Variants in SPACA6 observed in about 807,000 individuals in gnomAD.
SPACA6 encodes sperm acrosome membrane-associated protein 6.
For missense variants in SPACA6, 8 were observed against 2.8 expected, an observed-to-expected ratio of 2.88 and a Z score of -1.34; for synonymous variants, 6 against 1.5, an observed-to-expected ratio of 4.05 and a Z score of -2.21.
At chr19:51,695,042 A>G (rs1328980373) in intron 2 of SPACA6, among the ~76,000 whole-genome samples, 1 of 152,138 alleles carries the variant, frequency 6.6e-6, no homozygotes, top group East Asian at 1.9e-4. Context: ...ACACTCGCAC[A>G]CAGACACGCT....
upstream of SPACA6, chr19:51,685,848 CAT>C (rs2083325891): frequency 2.0e-5 from 3 of 152,224 alleles, no homozygotes; most frequent in African/African-American, 2.4e-5. Flanking sequence ...CAATCTATCA[CAT>C]GAGATCAAGT....
chr19:51,690,323 A>G (rs2083358898), upstream of SPACA6, among the ~76,000 whole-genome samples: 2 of 152,010 alleles, frequency 1.3e-5, no homozygotes, highest in African/African-American at 4.8e-5. Context: ...CCCAGAGTTC[A>G]GAACCTCAGC....
At chr19:51,690,112 GC>G (rs1408911938), upstream of SPACA6, among the ~76,000 whole-genome samples, 1 of 151,704 alleles carries the variant, frequency 6.6e-6, no homozygotes, top group African/African-American at 2.4e-5. Flanking sequence ...GAGAGGCCCA[GC>G]ATCCATGCTC....
At chr19:51,711,603 G>C (rs1017999270) in intron 2 of SPACA6, among the ~76,000 whole-genome samples, 1 of 152,156 alleles carries the variant, frequency 6.6e-6, no homozygotes, top group Non-Finnish European at 1.5e-5. Flanking sequence ...GTTCATAGTA[G>C]CATCATTCAT....
intron 2 of SPACA6, among the ~76,000 whole-genome samples, chr19:51,695,236 G>A (rs2083420336): frequency 6.6e-6 from 1 of 152,186 alleles, no homozygotes; most frequent in Non-Finnish European, 1.5e-5. Flanking sequence ...TGACAGCCTT[G>A]AGGTGTGTGG....
At chr19:51,701,105 C>A (rs991288741) in intron 2 of SPACA6, among the ~76,000 whole-genome samples, 1 of 152,042 alleles carries the variant, frequency 6.6e-6, no homozygotes, top group African/African-American at 2.4e-5. Context: ...ACCTGCAGTC[C>A]CTGCTACTCG....
exon 3 of SPACA6, chr19:51,712,319 T>G (rs963206212): frequency 6.6e-6 from 1 of 152,118 alleles, no homozygotes; most frequent in Admixed American, 6.6e-5. Context: ...TCAGCCAAAT[T>G]GTACACTTTG....
Position 51,702,769 on chromosome 19 carries a change from G to C in SPACA6, c.385+117G>C, listed in dbSNP as rs188023752. 251 of 399,008 alleles carry C rather than the reference G, an allele frequency of 6.3e-4. 3 individuals are homozygous for C. The East Asian group carries it at 8.9e-3, about 14-fold the overall frequency. The allele number at this position is 399,008 out of a possible 1,614,324, so 24.7% of individuals were successfully genotyped here. ...CTTCACATCCTTAGGAAGCCAATAA[G>C]ATCCCTGGAGAAAAGGAAGAAAACC... On this transcript the variant is annotated intron_variant, in intron 4 of 8. Transcript: ENST00000637797.
At chr19:51,707,316 G>A (rs146465209), downstream of SPACA6, among the ~76,000 whole-genome samples, 864 of 151,370 alleles carry the variant, frequency 5.7e-3, 10 homozygotes, top group Non-Finnish European at 0.011. Flanking sequence ...TGCCTCCTGG[G>A]TTCAAGCAAT....
chr19:51,711,199 G>T (rs1289429774), intron 2 of SPACA6, among the ~76,000 whole-genome samples: 1 of 152,220 alleles, frequency 6.6e-6, no homozygotes. Context: ...TAGCAACGTG[G>T]ATATCATTGA....
intron 2 of SPACA6, among the ~76,000 whole-genome samples, chr19:51,710,887 C>T (rs1007132863): frequency 6.6e-6 from 1 of 152,172 alleles, no homozygotes; most frequent in African/African-American, 2.4e-5. Flanking sequence ...TGAGACCAGC[C>T]TGGCCAACAT....
At chr19:51,707,230 CTTT>C (rs57130350), downstream of SPACA6, among the ~76,000 whole-genome samples, 147 of 141,170 alleles carry the variant, frequency 1.0e-3, 1 homozygote, top group African/African-American at 2.5e-3. Flanking sequence ...CTCTCTCTCC[CTTT>C]TTTTTTTTTT....
chr19:51,688,786 G>A (rs549669133), upstream of SPACA6, among the ~76,000 whole-genome samples: 7 of 152,178 alleles, frequency 4.6e-5, no homozygotes, highest in South Asian at 1.5e-3. Flanking sequence ...GAGATAGGGA[G>A]AGGGCGAAAG....
chr19:51,705,229 GT>G (rs2083509787), downstream of SPACA6: 1 of 399,892 alleles, frequency 2.5e-6, no homozygotes, highest in East Asian at 3.6e-5. Flanking sequence ...ACTAACTCAG[GT>G]AGGAGGAGGT....
upstream of SPACA6, chr19:51,692,857 T>G (rs1309971473): frequency 3.7e-6 from 2 of 534,198 alleles, no homozygotes; most frequent in Admixed American, 3.9e-5. This position sits in a 1 kb window ranked among gnomAD's most constrained non-coding sequence, Gnocchi z 5.6. Context: ...CTCCTAGCTT[T>G]CCCCAGGCTG....
upstream of SPACA6, chr19:51,693,043 CTG>C: frequency 2.8e-6 from 1 of 363,066 alleles, no homozygotes; most frequent in Non-Finnish European, 5.5e-6. Flanking sequence ...TCCATCTCTG[CTG>C]TGTCTCTGTG....
rs1000774886 is a variant in SPACA6, at chr19:51,694,658, G to A, written c.292+103G>A. On this transcript the variant is annotated intron_variant, in intron 2 of 8. Coordinates refer to ENST00000637797, the MANE Select transcript of SPACA6 (RefSeq NM_001316972.2). The stretch of plus-strand genomic sequence containing the variant: ...CAGAGGAAGGAGGCCCCCAGAGTTG[G>A]GCAGTGATCCGGGAGGGGAAAGCTG... The A allele has an allele frequency of 4.3e-5, 17 of 398,652 alleles. No homozygotes were observed. The Admixed American group carries it at 4.4e-4, about 10-fold the overall frequency. The allele number at this position is 398,652 out of a possible 1,614,324, so 24.7% of individuals were successfully genotyped here. A position where few individuals can be genotyped will look rare whatever the true frequency, so the allele number is the denominator to read the frequency against.
downstream of SPACA6, among the ~76,000 whole-genome samples, chr19:51,705,809 G>C (rs2083513302): frequency 6.6e-6 from 1 of 152,034 alleles, no homozygotes. Context: ...CGATTCTTCT[G>C]CCTCAGCCTC....
At chr19:51,708,177 A>T (rs2083524925), downstream of SPACA6, among the ~76,000 whole-genome samples, 1 of 152,178 alleles carries the variant, frequency 6.6e-6, no homozygotes, top group Non-Finnish European at 1.5e-5. Flanking sequence ...GACCACCAAG[A>T]GTCACTTGAA....
Sources: gnomAD v4.1 joint callset for allele counts (sites outside exome capture counted in the v4.1 genomes callset) on GRCh38, gnomAD v4.1.1 for gene constraint, Gnocchi (gnomAD v3.1) non-coding constraint, MANE v1.5 for transcripts, NCBI Gene and HGNC (gene_info 2026-07-23, HGNC 2026-07-21) for gene names.